Variants in MAST2 observed in about 807,000 individuals in gnomAD.
MAST2 encodes microtubule-associated serine/threonine-protein kinase 2.
In MAST2, 70 loss-of-function variants were observed where a neutral mutation model predicts 147.4. The ratio of observed to expected loss-of-function variants is 0.47; its 90% CI spans 0.39 to 0.58. The LOEUF (loss-of-function observed/expected upper bound fraction) is 0.58, where lower values mean the gene tolerates loss of function less well. Ranked by LOEUF, MAST2 falls within the 20% of genes least tolerant of loss-of-function variation. MAST2 has a pLI of 0.00. For synonymous variants in MAST2, 869 were observed against 896.8 expected (o/e 0.97, Z 0.55); for missense variants, 2,080 against 2,302.3 (o/e 0.90, Z 1.98).
At chr1:45,973,752 A>T (rs1191195685) in intron 5 of MAST2, among the ~76,000 whole-genome samples, 1 of 152,164 alleles carries the variant, frequency 6.6e-6, no homozygotes. Flanking sequence ...GAAACCACAT[A>T]AAAAGAGTAT....
intron 5 of MAST2, among the ~76,000 whole-genome samples, chr1:45,991,836 C>A (rs1484953146): frequency 6.6e-6 from 1 of 152,150 alleles, no homozygotes; most frequent in African/African-American, 2.4e-5. Flanking sequence ...TTTCCTCCTT[C>A]CCAATGTATT....
chr1:45,866,686 G>A (rs1322463309), intron 3 of MAST2, among the ~76,000 whole-genome samples: 2 of 151,886 alleles, frequency 1.3e-5, no homozygotes, highest in African/African-American at 4.8e-5. Context: ...ACATAGCACT[G>A]GAAGATCTTT....
chr1:45,834,241 T>C (rs140878696), intron 3 of MAST2, among the ~76,000 whole-genome samples: 1 of 152,332 alleles, frequency 6.6e-6, no homozygotes, highest in African/African-American at 2.4e-5. Context: ...TATTGATTTT[T>C]ATTTAAATAG....
In MAST2 at chr1:46,006,396, G is replaced by A. The variant is rs773987431; in HGVS notation, c.902+1G>A. The A allele has an allele frequency of 1.9e-6, 3 of 1,611,450 alleles. No individual in the cohort carries two copies. The African/African-American group carries it at 4.0e-5, about 22-fold the overall frequency. The stretch of plus-strand genomic sequence containing the variant: ...TGCGGCCTCGCTCCCGGAGCCTCAG[G>A]TGAGGGTGCTCTCTGCCCACTGTTC... On this transcript the variant is annotated splice_donor_variant, in intron 8 of 28. Coordinates refer to ENST00000361297, the MANE Select transcript of MAST2 (RefSeq NM_015112.3). LOFTEE classifies it high-confidence loss of function.
chr1:46,029,852 A>G lies in MAST2; in HGVS notation c.2342A>G (p.Gln781Arg). 3 of 1,614,166 alleles carry G rather than the reference A, an allele frequency of 1.9e-6. No homozygotes were observed. The highest frequency in any genetic ancestry group is 2.5e-6 in the Non-Finnish European group (3 of 1,180,022). The part of the protein sequence containing the change: ...LGTGSAYEVK[Q>R]HPFFTGLDWT... ...ACAGGCAGTGCCTATGAGGTGAAGC[A>G]GCACCCATTCTTTACTGGTCTGGAC... Residue 781 changes from glutamine (Q) to arginine (R), a missense_variant, in exon 20 of 29, where the codon CAG becomes CGG. Coordinates refer to ENST00000361297, the MANE Select transcript of MAST2 (RefSeq NM_015112.3).
intron 4 of MAST2, among the ~76,000 whole-genome samples, chr1:45,901,548 G>A (rs1649768124): frequency 6.6e-6 from 1 of 151,976 alleles, no homozygotes; most frequent in Admixed American, 6.6e-5. Flanking sequence ...AACGACATTG[G>A]TAATTTGATT....
At chr1:45,955,311 C>T (rs1659501699) in intron 4 of MAST2, among the ~76,000 whole-genome samples, 1 of 152,104 alleles carries the variant, frequency 6.6e-6, no homozygotes, top group South Asian at 2.1e-4. Flanking sequence ...ACACATCTTC[C>T]TGTATACTTT....
chr1:45,966,500 G>A (rs1470081690), intron 5 of MAST2, among the ~76,000 whole-genome samples: 1 of 152,154 alleles, frequency 6.6e-6, no homozygotes, highest in African/African-American at 2.4e-5. Context: ...GGAGGCCAAG[G>A]TGGGCAGATC....
chr1:45,914,814 G>A (rs1384674859), intron 4 of MAST2, among the ~76,000 whole-genome samples: 2 of 152,186 alleles, frequency 1.3e-5, no homozygotes, highest in Non-Finnish European at 2.9e-5. Flanking sequence ...TGACACAGAA[G>A]TAAAAGACCA....
At chr1:45,833,401 TA>T (rs1553207067) in intron 3 of MAST2, among the ~76,000 whole-genome samples, 1 of 151,158 alleles carries the variant, frequency 6.6e-6, no homozygotes, top group Non-Finnish European at 1.5e-5. Flanking sequence ...TTCTTCTTCT[TA>T]AAAAAAAATT....
intron 5 of MAST2, among the ~76,000 whole-genome samples, chr1:45,965,291 G>A (rs12123166): frequency 6.6e-6 from 1 of 152,064 alleles, no homozygotes; most frequent in African/African-American, 2.4e-5. Context: ...TTTCTGTCTC[G>A]CTGATCTGTC....
intron 3 of MAST2, among the ~76,000 whole-genome samples, chr1:45,880,658 A>G (rs1646804002): frequency 6.6e-6 from 1 of 152,204 alleles, no homozygotes; most frequent in Non-Finnish European, 1.5e-5. Context: ...AGCGAATTTT[A>G]CAAAAATAAG....
chr1:45,905,544 C>T (rs1355813727), intron 4 of MAST2, among the ~76,000 whole-genome samples: 1 of 152,062 alleles, frequency 6.6e-6, no homozygotes, highest in Non-Finnish European at 1.5e-5. Flanking sequence ...TTTTGGAGGC[C>T]AAGGCGCGGA....
rs781327703 is a variant in MAST2 at position 46,034,230 on chromosome 1, C to A, written c.3832C>A (p.Gln1278Lys). 2 of 1,613,950 alleles carry A rather than the reference C, an allele frequency of 1.2e-6. No individual in the cohort carries two copies. The highest frequency in any genetic ancestry group is 2.7e-5 in the African/African-American group (2 of 75,026). ...SHSLSPRSPT[Q>K]GYRVTPDAVH... The stretch of plus-strand genomic sequence containing the variant: ...CAGCCTTTCCCCCCGATCTCCCACT[C>A]AAGGCTACCGGGTGACCCCCGATGC... Residue 1278 changes from glutamine to lysine, a missense_variant, in exon 28 of 29, where the codon CAA (glutamine) becomes AAA (lysine). Physicochemically the swap from Gln to Lys is moderately conservative, Grantham distance 53 (BLOSUM62 1). This residue lies in a region of MAST2 where 1,278 missense variants were observed against 1,304.2 expected (regional missense o/e 0.98). Coordinates refer to ENST00000361297, the MANE Select transcript of MAST2 (RefSeq NM_015112.3).
chr1:45,868,885 T>C (rs1477895543), intron 3 of MAST2, among the ~76,000 whole-genome samples: 1 of 152,224 alleles, frequency 6.6e-6, no homozygotes, highest in Admixed American at 6.5e-5. Flanking sequence ...TACATTTCCT[T>C]GTTCTTTTCT....
intron 4 of MAST2, among the ~76,000 whole-genome samples, chr1:45,948,346 A>G (rs903071593): frequency 6.6e-6 from 1 of 152,186 alleles, no homozygotes; most frequent in Non-Finnish European, 1.5e-5. Flanking sequence ...CAATTTATAG[A>G]TTGAATGCTA....
chr1:45,966,941 A>G (rs375332571), intron 5 of MAST2, among the ~76,000 whole-genome samples: 2 of 148,256 alleles, frequency 1.3e-5, no homozygotes, highest in African/African-American at 2.5e-5. Flanking sequence ...GTCACAGCTC[A>G]ATACAGCCTT....
intron 4 of MAST2, among the ~76,000 whole-genome samples, chr1:45,942,146 CTTTT>C (rs35794621): frequency 7.0e-6 from 1 of 143,420 alleles, no homozygotes. Flanking sequence ...TAGTGGGTTT[CTTTT>C]TTTTTTTTTT....
At chr1:45,936,626 T>C (rs1656236587) in intron 4 of MAST2, among the ~76,000 whole-genome samples, 1 of 152,188 alleles carries the variant, frequency 6.6e-6, no homozygotes, top group South Asian at 2.1e-4. Context: ...TCTGTGTGTA[T>C]GCCCTTCTCA....
Sources: gnomAD v4.1 joint callset for allele counts (sites outside exome capture counted in the v4.1 genomes callset) on GRCh38, gnomAD v4.1.1 for gene constraint, gnomAD v4.1.1 regional missense constraint, MANE v1.5 for transcripts, NCBI Gene and HGNC (gene_info 2026-07-23, HGNC 2026-07-21) for gene names.